UVRAG: variants seen among roughly 807,000 people sequenced by gnomAD.
UVRAG encodes UV radiation resistance associated.
Under a neutral mutation model 78.0 loss-of-function variants are expected in UVRAG, and 19 were observed. That is an observed-to-expected ratio of 0.24 (90% confidence interval 0.17 to 0.36). The LOEUF is 0.36. Ranked by LOEUF, UVRAG falls within the 10% of genes least tolerant of loss-of-function variation. The pLI is 1.00. For missense variants in UVRAG, 740 were observed against 853.8 expected, an observed-to-expected ratio of 0.87 and a Z score of 1.66; for synonymous variants, 323 against 324.6, an observed-to-expected ratio of 1.00 and a Z score of 0.05.
At position 75,856,435 on chromosome 11, in the gene UVRAG, C is replaced by T. The variant is rs117476078; in HGVS notation, c.235+4435C>T. On this transcript the variant is annotated intron_variant, in intron 2 of 14. Transcript: ENST00000356136. ...CTTAATTTGGTGATCTTACCCAAGT[C>T]TCATAGTTTTATTTATTTTTATTTA... Among the ~76,000 whole-genome samples, 6 of 152,048 alleles carry T rather than the reference C, an allele frequency of 3.9e-5. No individual in the cohort carries two copies. The East Asian group carries it at 1.2e-3, about 30-fold the overall frequency.
chr11:75,974,300 G>A (rs1473942216), intron 7 of UVRAG, among the ~76,000 whole-genome samples: 1 of 151,336 alleles, frequency 6.6e-6, no homozygotes, highest in Non-Finnish European at 1.5e-5. Context: ...TTCTCTGATG[G>A]CCAGTGATGA....
At chr11:75,894,394 A>G (rs1947293574) in intron 5 of UVRAG, among the ~76,000 whole-genome samples, 3 of 152,174 alleles carry the variant, frequency 2.0e-5, no homozygotes, top group Non-Finnish European at 4.4e-5. Context: ...ACAGAGAGTG[A>G]AAAGCATTGC....
chr11:75,976,673 A>G (rs189382547), intron 7 of UVRAG, among the ~76,000 whole-genome samples: 2 of 151,916 alleles, frequency 1.3e-5, no homozygotes, highest in African/African-American at 4.8e-5. Flanking sequence ...TTATAGTATT[A>G]TCTGATGGTA....
At chr11:76,025,665 G>A (rs558270984) in intron 12 of UVRAG, among the ~76,000 whole-genome samples, 2 of 152,070 alleles carry the variant, frequency 1.3e-5, no homozygotes, top group African/African-American at 4.8e-5. Context: ...AACCCCAAGA[G>A]TTGCCCTTTT....
At chr11:76,033,553 GA>G (rs910175174) in intron 12 of UVRAG, among the ~76,000 whole-genome samples, 4 of 150,172 alleles carry the variant, frequency 2.7e-5, no homozygotes, top group African/African-American at 4.9e-5. Flanking sequence ...TTTGATTTAA[GA>G]AAAAAAAACC....
At chr11:75,966,067 G>A (rs192009913) in intron 7 of UVRAG, among the ~76,000 whole-genome samples, 5 of 152,098 alleles carry the variant, frequency 3.3e-5, no homozygotes, top group South Asian at 4.1e-4. Context: ...TTTTTATCAC[G>A]AATAGAAGAT....
chr11:75,934,894 AAG>A (rs1826251716), intron 6 of UVRAG: 1 of 152,202 alleles, frequency 6.6e-6, no homozygotes, highest in Non-Finnish European at 1.5e-5. Context: ...TGAAAGCCCT[AAG>A]AAATGTCATA....
chr11:75,970,702 C>T (rs1236802797), intron 7 of UVRAG, among the ~76,000 whole-genome samples: 1 of 142,382 alleles, frequency 7.0e-6, no homozygotes, highest in African/African-American at 2.7e-5. Flanking sequence ...CACTGCACTC[C>T]AGCCTGGGCA....
At chr11:76,040,798 G>T (rs1161526064) in intron 12 of UVRAG, among the ~76,000 whole-genome samples, 1 of 151,874 alleles carries the variant, frequency 6.6e-6, no homozygotes, top group African/African-American at 2.4e-5. Context: ...TTTGTGATCC[G>T]CCTGCCTTGG....
intron 13 of UVRAG, among the ~76,000 whole-genome samples, chr11:76,097,552 C>T (rs778841030): frequency 5.9e-5 from 9 of 152,174 alleles, no homozygotes; most frequent in Non-Finnish European, 1.0e-4. Flanking sequence ...GTGGTCCTTA[C>T]TCATTTTTAA....
chr11:76,061,440 A>G (rs1054993241), intron 12 of UVRAG, among the ~76,000 whole-genome samples: 8 of 152,160 alleles, frequency 5.3e-5, no homozygotes, highest in Non-Finnish European at 1.0e-4. Flanking sequence ...CACTCTGTGG[A>G]AGCTTTGTTG....
rs190167686 is a variant in UVRAG at position 75,950,300 on chromosome 11, C to T, written c.594-11144C>T. Among the ~76,000 whole-genome samples, 9 of 152,292 alleles carry T rather than the reference C, an allele frequency of 5.9e-5. No individual in the cohort carries two copies. In the East Asian group the frequency reaches 1.5e-3, roughly 26 times the overall value. On this transcript the variant is annotated intron_variant, in intron 6 of 14. Coordinates refer to ENST00000356136, the MANE Select transcript of UVRAG (RefSeq NM_003369.4). ...TTAGAGACAGGGACTCATTCTGTCA[C>T]CAGGCTCGGAGTGCAGTAGTGCAGT...
intron 12 of UVRAG, among the ~76,000 whole-genome samples, chr11:76,033,035 G>A (rs1218566968): frequency 6.6e-6 from 1 of 152,176 alleles, no homozygotes; most frequent in Non-Finnish European, 1.5e-5. Context: ...CGGATTGGTT[G>A]TAATAAATAT....
At chr11:76,101,557 T>C (rs370361046) in intron 13 of UVRAG, among the ~76,000 whole-genome samples, 1 of 152,194 alleles carries the variant, frequency 6.6e-6, no homozygotes, top group Non-Finnish European at 1.5e-5. Context: ...ACAGTTTATT[T>C]TGCTGTGCAG....
At chr11:75,985,563 A>G (rs1005103362) in intron 8 of UVRAG, among the ~76,000 whole-genome samples, 37 of 152,102 alleles carry the variant, frequency 2.4e-4, no homozygotes, top group African/African-American at 8.7e-4. Flanking sequence ...TCAGTCTTTC[A>G]TAGATGAGGC....
chr11:75,849,157 G>C (rs370570059), intron 1 of UVRAG, among the ~76,000 whole-genome samples: 1 of 141,638 alleles, frequency 7.1e-6, no homozygotes, highest in Non-Finnish European at 1.6e-5. Context: ...CAGCCTGGGC[G>C]AGACAGAGCG....
intron 6 of UVRAG, among the ~76,000 whole-genome samples, chr11:75,936,831 A>G (rs1229267363): frequency 2.6e-5 from 4 of 152,246 alleles, no homozygotes; most frequent in South Asian, 2.1e-4. Context: ...CTGGCGTGCA[A>G]TGGCCTGATC....
intron 6 of UVRAG, among the ~76,000 whole-genome samples, chr11:75,933,374 A>G (rs925986741): frequency 2.0e-5 from 3 of 152,336 alleles, no homozygotes; most frequent in African/African-American, 7.2e-5. Context: ...GGTTAAAGAC[A>G]TGAATCTAAG....
chr11:75,998,024 C>G (rs903892420), intron 8 of UVRAG, among the ~76,000 whole-genome samples: 1 of 152,114 alleles, frequency 6.6e-6, no homozygotes, highest in Non-Finnish European at 1.5e-5. Flanking sequence ...ATCGCCAACC[C>G]AGAGGAAAAC....
Sources: allele counts gnomAD v4.1 joint callset (sites outside exome capture counted in the v4.1 genomes callset), GRCh38; gene constraint gnomAD v4.1.1; transcripts MANE v1.5; gene names NCBI Gene and HGNC (gene_info 2026-07-23, HGNC 2026-07-21).